FHL2: variants seen among roughly 807,000 people sequenced by gnomAD.
FHL2 encodes four and a half LIM domains 2.
In FHL2, 20 loss-of-function variants were observed where a neutral mutation model predicts 32.7. The observed-to-expected ratio is 0.61, with a 90% CI of 0.43 to 0.89. The LOEUF is 0.89. Among genes scored for constraint, FHL2 ranks in the 40% least tolerant of loss-of-function variants. The pLI is 0.00. For synonymous variants in FHL2, 123 were observed against 128.1 expected (o/e 0.96, Z 0.27); for missense variants, 311 against 358.6 (o/e 0.87, Z 1.07).
chr2:105,412,285 A>T (rs532205719), intron 1 of FHL2, among the ~76,000 whole-genome samples: 71 of 152,358 alleles, frequency 4.7e-4, no homozygotes, highest in African/African-American at 1.6e-3. Flanking sequence ...ATGCTCCAAC[A>T]GGGATGGACC....
At chr2:105,367,506 C>CA (rs1316172797) in intron 5 of FHL2, 64 bp downstream of exon 5, 6 of 1,495,806 alleles carry the variant, frequency 4.0e-6, no homozygotes, top group Admixed American at 2.0e-5. Flanking sequence ...AGAGAACTGA[C>CA]AGACATGGAC....
intron 1 of FHL2, among the ~76,000 whole-genome samples, chr2:105,406,453 A>ATT (rs1683632759): frequency 1.2e-5 from 1 of 82,084 alleles, no homozygotes; most frequent in Admixed American, 1.7e-4. Context: ...GCTTTTTCTT[A>ATT]TCTTTTTTTT....
At chr2:105,416,669 T>C (rs1683947054) in intron 1 of FHL2, among the ~76,000 whole-genome samples, 1 of 152,228 alleles carries the variant, frequency 6.6e-6, no homozygotes, top group Admixed American at 6.5e-5. Context: ...ATTGCTTCTA[T>C]AGATCTTCCA....
At position 105,418,287 on chromosome 2, in the gene FHL2, T is replaced by C. The variant is rs576192092; in HGVS notation, c.-25+20112A>G. Among the ~76,000 whole-genome samples, 4 of 152,270 alleles carry C rather than the reference T, an allele frequency of 2.6e-5. No individual in the cohort carries two copies. The South Asian group carries it at 6.2e-4, about 24-fold the overall frequency. ...TGGATATCCTAACTCCTGGGCCTTC[T>C]GGTTTGAAAGATGTGGGGACCAGGC... On this transcript the variant is annotated intron_variant, in intron 1 of 5. Coordinates refer to the FHL2 transcript ENST00000393352.
At chr2:105,386,764 T>TC (rs1367749988) in intron 2 of FHL2, among the ~76,000 whole-genome samples, 3 of 143,226 alleles carry the variant, frequency 2.1e-5, no homozygotes, top group African/African-American at 7.9e-5. Flanking sequence ...CACTTTTTTT[T>TC]TTTTTTTTTT....
Position 105,372,229 on chromosome 2 carries a change from CT to C in FHL2, c.331+1329del, listed in dbSNP as rs1681128830. ...AATGATTATTCCTTATCCTACATAA[CT>C]TTCTTTTTTTTTTGAGACGGAGTCT... is the stretch of plus-strand genomic sequence containing the variant. On this transcript the variant is annotated intron_variant, in intron 4 of 6. Coordinates refer to ENST00000530340, the MANE Select transcript of FHL2 (RefSeq NM_001318895.3). 5.1e-5 allele frequency among the ~76,000 whole-genome samples: 4 copies of C among 78,256 alleles called. No homozygotes were observed. In the Admixed American group the frequency reaches 6.6e-4, roughly 13 times the overall value. 51.3% of individuals were successfully genotyped at this position (78,256 alleles called of 152,430 possible).
intron 4 of FHL2, among the ~76,000 whole-genome samples, chr2:105,370,995 C>T (rs916869076): frequency 1.3e-5 from 2 of 152,172 alleles, no homozygotes; most frequent in African/African-American, 4.8e-5. Flanking sequence ...TCTTGCTTCC[C>T]CCATTCCTTA....
At chr2:105,390,670 A>G (rs1403552440) in intron 2 of FHL2, among the ~76,000 whole-genome samples, 2 of 152,202 alleles carry the variant, frequency 1.3e-5, no homozygotes, top group African/African-American at 4.8e-5. Context: ...ACAGTTACAT[A>G]CTGCACAAGC....
chr2:105,413,707 T>C (rs1683859115), intron 1 of FHL2, among the ~76,000 whole-genome samples: 1 of 152,220 alleles, frequency 6.6e-6, no homozygotes, highest in East Asian at 1.9e-4. Context: ...CTTGAACTCC[T>C]GGCCTCAAGC....
At chr2:105,373,483 G>A (rs775507729) in intron 4 of FHL2, 76 bp downstream of exon 4, 112 of 1,522,662 alleles carry the variant, frequency 7.4e-5, no homozygotes, top group Non-Finnish European at 9.6e-5. Flanking sequence ...AAGTCAATGT[G>A]AACAGGGGGT....
At chr2:105,357,945 TAG>T (rs1680082223), downstream of FHL2, 2 of 152,236 alleles carry the variant, frequency 1.3e-5, no homozygotes, top group African/African-American at 4.8e-5. Flanking sequence ...GTGTATGCCT[TAG>T]AGAATGCTTT....
chr2:105,372,634 C>G (rs368202474), intron 4 of FHL2, among the ~76,000 whole-genome samples: 1 of 152,034 alleles, frequency 6.6e-6, no homozygotes, highest in African/African-American at 2.4e-5. Context: ...ACTAAAAATA[C>G]AAAAATTAGC....
Position 105,394,921 on chromosome 2 carries a change from TC to T in FHL2, c.-25+1725del, listed in dbSNP as rs11297857. ...AGGTAAACTGCTGTCTTCTGAATTA[TC>T]TTTTGAATATTGAATACTAAAAATA... On this transcript the variant is annotated intron_variant, in intron 2 of 6. Coordinates refer to ENST00000530340, the MANE Select transcript of FHL2 (RefSeq NM_001318895.3). 4.4e-3 allele frequency among the ~76,000 whole-genome samples: 669 copies of T among 152,372 alleles called. 3 individuals are homozygous for T. The highest frequency in any genetic ancestry group is 0.015 in the African/African-American group (634 of 41,580).
intron 1 of FHL2, among the ~76,000 whole-genome samples, chr2:105,437,150 T>C (rs993645471): frequency 1.3e-5 from 2 of 152,224 alleles, no homozygotes; most frequent in African/African-American, 4.8e-5. Flanking sequence ...TTGGAAAATA[T>C]GCAACTTTTC....
At chr2:105,370,519 T>A (rs1680981119) in intron 4 of FHL2, among the ~76,000 whole-genome samples, 1 of 152,098 alleles carries the variant, frequency 6.6e-6, no homozygotes, top group Non-Finnish European at 1.5e-5. Flanking sequence ...ACCCCAGCAC[T>A]GGGGTTACTG....
At chr2:105,381,785 T>C (rs1681907852) in intron 3 of FHL2, among the ~76,000 whole-genome samples, 1 of 152,074 alleles carries the variant, frequency 6.6e-6, no homozygotes, top group Admixed American at 6.5e-5. Context: ...AGAAGGTAAT[T>C]TGCTCATTGA....
chr2:105,421,488 T>A (rs1407565804), intron 1 of FHL2, among the ~76,000 whole-genome samples: 2 of 152,216 alleles, frequency 1.3e-5, no homozygotes. Context: ...AAATGCTGTC[T>A]CTAGGACAAA....
chr2:105,428,119 A>G (rs931946107), intron 1 of FHL2, among the ~76,000 whole-genome samples: 3 of 152,248 alleles, frequency 2.0e-5, no homozygotes, highest in African/African-American at 4.8e-5. Flanking sequence ...AAAAGGTCTC[A>G]GTCAACTAGA....
chr2:105,411,125 G>A (rs548841576), intron 1 of FHL2, among the ~76,000 whole-genome samples: 30 of 152,318 alleles, frequency 2.0e-4, no homozygotes, highest in South Asian at 4.1e-4. Context: ...GGACACAGGT[G>A]TGTGCATAAC....
Sources: allele counts gnomAD v4.1 joint callset (sites outside exome capture counted in the v4.1 genomes callset), GRCh38; gene constraint gnomAD v4.1.1; transcripts MANE v1.5; gene names NCBI Gene and HGNC (gene_info 2026-07-23, HGNC 2026-07-21).